Variants in BORCS8 observed in about 807,000 individuals in gnomAD.
BORCS8 encodes BLOC-1 related complex subunit 8, also known as BLOC-1-related complex subunit 8.
BORCS8 carries 13 observed loss-of-function variants against 18.7 expected under a neutral mutation model. That is an observed-to-expected ratio of 0.70 (90% CI 0.45 to 1.11). BORCS8 has a LOEUF of 1.11. Among genes scored for constraint, BORCS8 ranks in the 50% least tolerant of loss-of-function variants. The pLI, the probability that BORCS8 is intolerant of heterozygous loss-of-function variation, is 0.00. For synonymous variants in BORCS8, 68 were observed against 64.8 expected (o/e 1.05, Z -0.24); for missense variants, 165 against 165.7 (o/e 1.00, Z 0.02).
Position 19,182,656 on chromosome 19 carries a change from G to A in BORCS8, c.243C>T (p.Ser81=), listed in dbSNP as rs1051463031. Residue 81 remains serine (S), a synonymous_variant, in exon 4 of 6, where the codon AGC becomes AGT. Coordinates refer to ENST00000462790, the MANE Select transcript of BORCS8 (RefSeq NM_001145784.2). This position sits in a 1 kb window ranked among gnomAD's most constrained non-coding sequence, Gnocchi z 4.1. ...CSAVKNLVDS[S]VYFRSVEGLL... ...GACCCTCCACGCTGCGGAAGTAGAC[G>A]CTGCTGTCCACCAGGTTCTTCACGG... 6.4e-6 allele frequency: 10 copies of A among 1,550,938 alleles called. No homozygotes were observed. The highest frequency in any genetic ancestry group is 4.9e-5 in the East Asian group (2 of 40,916).
chr19:19,190,696 G>A (rs760118389), intron 1 of BORCS8, among the ~76,000 whole-genome samples: 4 of 152,166 alleles, frequency 2.6e-5, no homozygotes, highest in Non-Finnish European at 5.9e-5. Flanking sequence ...GCTGAGGCAG[G>A]AGAAACACTT....
At chr19:19,177,648 G>A (rs866524461) in intron 5 of BORCS8, 188 bp from the exon 6 acceptor site, 1 of 55,172 alleles carries the variant, frequency 1.8e-5, no homozygotes, top group East Asian at 4.9e-4. Flanking sequence ...AAAGAAGGAA[G>A]GAAGGAAGGA....
chr19:19,191,744 T>C (rs1053191977), intron 1 of BORCS8, among the ~76,000 whole-genome samples: 24 of 151,912 alleles, frequency 1.6e-4, no homozygotes, highest in African/African-American at 5.3e-4. Flanking sequence ...CACGCCCGGC[T>C]AATTTTTGTA....
intron 1 of BORCS8, among the ~76,000 whole-genome samples, chr19:19,187,275 A>G (rs1298231177): frequency 6.6e-6 from 1 of 152,094 alleles, no homozygotes; most frequent in Non-Finnish European, 1.5e-5. Flanking sequence ...CAGGAATTCA[A>G]GACCAGCCAG....
At chr19:19,192,001 T>C (rs1308451350) in intron 1 of BORCS8, 80 bp downstream of exon 1, 1 of 1,517,328 alleles carries the variant, frequency 6.6e-7, no homozygotes. Context: ...CCTCGCACGG[T>C]CCCTCCGCGC....
At chr19:19,181,843 C>G in intron 4 of BORCS8, 1 of 985,236 alleles carries the variant, frequency 1.0e-6, no homozygotes, top group Non-Finnish European at 1.2e-6. Flanking sequence ...CCAGACGCAT[C>G]CCAAGGCGAC....
rs75020462 is a variant in BORCS8, at chr19:19,180,795, A to T, written c.327-34T>A. On this transcript the variant is annotated intron_variant, in intron 4 of 5. Transcript: ENST00000462790. ...AAACATGTGCAGCATCCATGAGGCC[A>T]AGGTCAGAGGCCACAAGGCTTGCTC... The T allele has an allele frequency of 6.6e-4, 1,016 of 1,531,114 alleles. 6 individuals carry two copies. In the African/African-American group the frequency reaches 0.012, roughly 18 times the overall value. The allele number at this position is 1,531,114 out of a possible 1,614,324, so 94.8% of individuals were successfully genotyped here.
intron 3 of BORCS8, among the ~76,000 whole-genome samples, chr19:19,184,344 C>T (rs1230972135): frequency 3.0e-4 from 37 of 123,522 alleles, no homozygotes; most frequent in African/African-American, 1.1e-3. Context: ...CTCGCTCTGT[C>T]GCCCAGGCTG....
rs1237801259 is a variant in BORCS8, at chr19:19,182,618, G to A, written c.281C>T (p.Ala94Val). The part of the protein sequence containing the change: ...FRSVEGLLKQ[A>V]ISIRDHMNAS... ...ATTCATATGGTCCCGGATGCTGATGGCCTGTTTGAGCAGACCCTCCACGCT... is the reference window on the plus strand; with the variant it reads ...ATTCATATGGTCCCGGATGCTGATGACCTGTTTGAGCAGACCCTCCACGCT... The change falls in exon 4 of 6, where the codon GCC becomes GTC. Residue 94 changes from alanine to valine, a missense_variant. Transcript: ENST00000462790. This position sits in a 1 kb window ranked among gnomAD's most constrained non-coding sequence, Gnocchi z 4.1. 1.9e-6 allele frequency: 3 copies of A among 1,551,184 alleles called. No homozygotes were observed. Among genetic ancestry groups the A allele is most frequent in the African/African-American group, 2.7e-5 (2 of 72,996 alleles).
At chr19:19,189,752 TA>T (rs994988539) in intron 1 of BORCS8, among the ~76,000 whole-genome samples, 1 of 151,948 alleles carries the variant, frequency 6.6e-6, no homozygotes, top group African/African-American at 2.4e-5. Context: ...CCCACCTCTA[TA>T]AAAAATTGCA....
intron 1 of BORCS8, among the ~76,000 whole-genome samples, chr19:19,188,365 C>T (rs546477466): frequency 6.6e-6 from 1 of 152,062 alleles, no homozygotes; most frequent in East Asian, 1.9e-4. Flanking sequence ...GCTATGTGGC[C>T]CAGGCTGGTC....
intron 4 of BORCS8, among the ~76,000 whole-genome samples, chr19:19,181,719 C>G (rs2060350881): frequency 6.6e-6 from 1 of 152,216 alleles, no homozygotes; most frequent in Admixed American, 6.6e-5. Context: ...CCCATTCTTA[C>G]ACATACACTC....
intron 1 of BORCS8, among the ~76,000 whole-genome samples, chr19:19,187,906 A>G (rs1348599760): frequency 6.6e-6 from 1 of 151,792 alleles, no homozygotes; most frequent in Admixed American, 6.6e-5. Context: ...CAGTGGTGTG[A>G]TCACAGCTCA....
intron 1 of BORCS8, among the ~76,000 whole-genome samples, chr19:19,188,294 C>G (rs1261915061): frequency 6.6e-6 from 1 of 152,076 alleles, no homozygotes; most frequent in African/African-American, 2.4e-5. Context: ...CTCCAAAGTG[C>G]TGGGATTACA....
chr19:19,186,336 C>T (rs999244667), intron 2 of BORCS8, among the ~76,000 whole-genome samples: 2 of 152,222 alleles, frequency 1.3e-5, no homozygotes, highest in African/African-American at 4.8e-5. Flanking sequence ...GATAGTCAGA[C>T]GGCTGCCTCC....
intron 2 of BORCS8, 28 bp downstream of exon 2, chr19:19,186,865 C>G: frequency 6.8e-7 from 1 of 1,479,578 alleles, no homozygotes; most frequent in Non-Finnish European, 9.1e-7. Context: ...CTGACAGCCC[C>G]TGCTCCTCCC....
intron 5 of BORCS8, chr19:19,180,137 C>T (rs145742173): frequency 2.2e-3 from 356 of 159,712 alleles, no homozygotes; most frequent in Non-Finnish European, 3.9e-3. Flanking sequence ...CAGCAATAGC[C>T]GACTGCTCCA....
chr19:19,181,665 A>G lies in BORCS8; in HGVS notation c.327-904T>C, dbSNP rs545999239. Among the ~76,000 whole-genome samples the G allele has an allele frequency of 3.9e-5, 6 of 152,364 alleles. No individual in the cohort carries two copies. In the East Asian group the frequency reaches 1.2e-3, roughly 29 times the overall value. Reference sequence around the variant, plus strand: ...CTCCTCTTCAGATGCAAGAGAGCCCAGATAAACCCTTCATGCTACCGTTTG... The same window carrying G: ...CTCCTCTTCAGATGCAAGAGAGCCCGGATAAACCCTTCATGCTACCGTTTG... On this transcript the variant is annotated intron_variant, in intron 4 of 5. Coordinates refer to ENST00000462790, the MANE Select transcript of BORCS8 (RefSeq NM_001145784.2).
chr19:19,184,305 C>CTTTT (rs900454275), intron 3 of BORCS8, among the ~76,000 whole-genome samples: 7 of 108,514 alleles, frequency 6.5e-5, no homozygotes, highest in African/African-American at 9.8e-5. Context: ...TTTTTCCTTT[C>CTTTT]TTTTTTTTTT....
Sources: allele counts gnomAD v4.1 joint callset (sites outside exome capture counted in the v4.1 genomes callset), GRCh38; gene constraint gnomAD v4.1.1; non-coding constraint Gnocchi (gnomAD v3.1); transcripts MANE v1.5; gene names NCBI Gene and HGNC (gene_info 2026-07-23, HGNC 2026-07-21).